The following FGF14 variants were observed in gnomAD, a reference collection of about 807,000 sequenced individuals.
The protein encoded by FGF14 is fibroblast growth factor homologous factor 4.
Under a neutral mutation model 25.5 loss-of-function variants are expected in FGF14, and 5 were observed. The ratio of observed to expected loss-of-function variants is 0.20; its 90% confidence interval spans 0.10 to 0.41. The LOEUF (loss-of-function observed/expected upper bound fraction) is 0.41. Among genes scored for constraint, FGF14 ranks in the 10% least tolerant of loss-of-function variants. The pLI is 1.00. For missense variants in FGF14, 222 were observed against 320.1 expected (o/e 0.69, Z 2.34); for synonymous variants, 138 against 118.3 (o/e 1.17, Z -1.08).
chr13:102,002,370 T>G (rs1281835473), intron 1 of FGF14: 1 of 152,958 alleles, frequency 6.5e-6, no homozygotes, highest in African/African-American at 2.4e-5. Flanking sequence ...GGCACCACAG[T>G]CCTTGGCAGG....
chr13:102,122,309 G>C (rs961676475), intron 1 of FGF14, among the ~76,000 whole-genome samples: 1 of 152,094 alleles, frequency 6.6e-6, no homozygotes, highest in Non-Finnish European at 1.5e-5. Flanking sequence ...TTATCCAAAG[G>C]CTCGTCAAAC....
rs1248619839 is a variant in FGF14, at chr13:101,943,826, A to ATATATATATATATAT, written c.209-68531_209-68530insATATATATATATATA. Among the ~76,000 whole-genome samples the ATATATATATATATAT allele has an allele frequency of 3.0e-3, 383 of 126,668 alleles. 3 individuals carry two copies. The highest frequency in any genetic ancestry group is 0.012 in the African/African-American group (347 of 29,124). 83.1% of individuals were successfully genotyped at this position (126,668 alleles called of 152,430 possible). ...CTGTCTCTACTTAAAAAAAAAAAAA[A>ATATATATATATATAT]ATATATATATATATATATTCACAAA... On this transcript the variant is annotated intron_variant, in intron 1 of 4. Coordinates refer to the FGF14 transcript ENST00000376131.
intron 1 of FGF14, among the ~76,000 whole-genome samples, chr13:102,316,237 G>A (rs1296623300): frequency 6.6e-6 from 1 of 152,168 alleles, no homozygotes; most frequent in Non-Finnish European, 1.5e-5. Flanking sequence ...ACTCAACCAA[G>A]TTTTCATGGC....
At chr13:101,982,697 G>A (rs2038340221) in intron 1 of FGF14, among the ~76,000 whole-genome samples, 1 of 152,112 alleles carries the variant, frequency 6.6e-6, no homozygotes, top group Non-Finnish European at 1.5e-5. Context: ...CCCTATCCTC[G>A]TTTTGCCTGA....
intron 1 of FGF14, among the ~76,000 whole-genome samples, chr13:102,308,543 T>C (rs1386080846): frequency 6.6e-6 from 1 of 152,130 alleles, no homozygotes; most frequent in Non-Finnish European, 1.5e-5. Flanking sequence ...CTTATAATGT[T>C]CTAGTAAAAT....
intron 3 of FGF14, among the ~76,000 whole-genome samples, chr13:101,848,219 C>A (rs1464935430): frequency 6.6e-6 from 1 of 151,764 alleles, no homozygotes; most frequent in South Asian, 2.1e-4. Flanking sequence ...TTTTCATCAA[C>A]CCTGTCAAGA....
At chr13:101,872,323 TA>T (rs2045143930) in intron 2 of FGF14, among the ~76,000 whole-genome samples, 1 of 151,524 alleles carries the variant, frequency 6.6e-6, no homozygotes, top group African/African-American at 2.4e-5. Context: ...TGATTATTCA[TA>T]AACATGTTTC....
At chr13:101,863,109 A>G (rs183143778) in intron 3 of FGF14, among the ~76,000 whole-genome samples, 113 of 152,266 alleles carry the variant, frequency 7.4e-4, no homozygotes, top group African/African-American at 2.6e-3. Flanking sequence ...AAAAACATGC[A>G]TAGTGTCATA....
chr13:102,401,439 G>A, intron 1 of FGF14: 1 of 1,604,050 alleles, frequency 6.2e-7, no homozygotes, highest in Non-Finnish European at 8.5e-7. Flanking sequence ...TTATTATGAG[G>A]AAAAACATAA....
chr13:102,165,303 T>A (rs1044578339), intron 1 of FGF14, among the ~76,000 whole-genome samples: 2 of 151,982 alleles, frequency 1.3e-5, no homozygotes, highest in Non-Finnish European at 2.9e-5. Context: ...GACCCAGCCA[T>A]CCCATTACTG....
intron 3 of FGF14, among the ~76,000 whole-genome samples, chr13:101,764,421 G>C (rs1053500405): frequency 6.6e-6 from 1 of 152,216 alleles, no homozygotes; most frequent in Non-Finnish European, 1.5e-5. Context: ...GTGTGGAGCA[G>C]AGTGAATGTG....
chr13:102,240,242 C>T (rs2051528587), intron 1 of FGF14, among the ~76,000 whole-genome samples: 2 of 152,086 alleles, frequency 1.3e-5, no homozygotes, highest in South Asian at 4.2e-4. Flanking sequence ...TAAAATATCT[C>T]TATATATAGC....
intron 1 of FGF14, among the ~76,000 whole-genome samples, chr13:101,957,323 G>C (rs1012750872): frequency 6.6e-6 from 1 of 152,148 alleles, no homozygotes; most frequent in African/African-American, 2.4e-5. Flanking sequence ...AGAAAAGCAG[G>C]TGAGAGTAGA....
chr13:101,970,330 T>C (rs1440647879), intron 1 of FGF14, among the ~76,000 whole-genome samples: 2 of 152,260 alleles, frequency 1.3e-5, no homozygotes, highest in Non-Finnish European at 2.9e-5. Context: ...CAATACATTT[T>C]ATTATTTTCA....
At chr13:101,848,612 AAG>A (rs1399452939) in intron 3 of FGF14, among the ~76,000 whole-genome samples, 12 of 152,080 alleles carry the variant, frequency 7.9e-5, no homozygotes, top group Non-Finnish European at 1.3e-4. Context: ...ATAACAGAAA[AAG>A]AGAGACTATA....
chr13:101,802,945 TCAGTGCATGCA>T (rs1243016131), intron 3 of FGF14, among the ~76,000 whole-genome samples: 1 of 152,048 alleles, frequency 6.6e-6, no homozygotes, highest in Non-Finnish European at 1.5e-5. Context: ...AAACTGGAGC[TCAGTGCATGCA>T]CTGTGAGGCT....
At chr13:102,199,734 CAT>C (rs1343241915) in intron 1 of FGF14, among the ~76,000 whole-genome samples, 1 of 152,214 alleles carries the variant, frequency 6.6e-6, no homozygotes. Flanking sequence ...TATATTCACT[CAT>C]GTAATCCAAT....
intron 4 of FGF14, among the ~76,000 whole-genome samples, chr13:101,724,631 T>TATATATATAA (rs1284515756): frequency 3.7e-5 from 4 of 109,138 alleles, no homozygotes; most frequent in Admixed American, 1.1e-4. Context: ...TATATATATA[T>TATATATATAA]AAAACAAAGA....
chr13:102,244,655 G>A (rs573975251), intron 1 of FGF14, among the ~76,000 whole-genome samples: 34 of 151,964 alleles, frequency 2.2e-4, no homozygotes, highest in Non-Finnish European at 4.7e-4. Flanking sequence ...AGATCAGGGT[G>A]CCATTTTAAT....
Sources: gnomAD v4.1 joint callset for allele counts (sites outside exome capture counted in the v4.1 genomes callset) on GRCh38, gnomAD v4.1.1 for gene constraint, MANE v1.5 for transcripts, NCBI Gene and HGNC (gene_info 2026-07-23, HGNC 2026-07-21) for gene names.